FLT4: variants seen among roughly 807,000 people sequenced by gnomAD.
FLT4 encodes vascular endothelial growth factor receptor 3.
Under a neutral mutation model 163.2 loss-of-function variants are expected in FLT4, and 30 were observed. The ratio of observed to expected loss-of-function variants is 0.18; its 90% CI spans 0.14 to 0.25. The LOEUF is 0.25. Ranked by LOEUF, FLT4 falls within the 10% of genes least tolerant of loss-of-function variation. The probability of loss-of-function intolerance (pLI) is 1.00; values close to 1 mark genes in which losing one functional copy is unlikely to be tolerated. For missense variants in FLT4, 1,510 were observed against 1,863.8 expected, an observed-to-expected ratio of 0.81 and a Z score of 3.50; for synonymous variants, 884 against 789.5, an observed-to-expected ratio of 1.12 and a Z score of -2.01.
chr5:180,616,954 A>T lies in FLT4; in HGVS notation c.3042T>A (p.Leu1014=), dbSNP rs752622985. The T allele has an allele frequency of 1.2e-6, 2 of 1,613,290 alleles. No homozygotes were observed. Among genetic ancestry groups the T allele is most frequent in the African/African-American group, 2.7e-5 (2 of 74,898 alleles). ...TGGCCACCTGGAAGCTGTAGCAGAC[A>T]AGATCTTCCATGGTCAGCGGGCTCA... ...LWLSPLTMED[L]VCYSFQVARG... The change falls in exon 22 of 30, where the codon CTT becomes CTA. Residue 1014 remains leucine (L), a synonymous_variant. Coordinates refer to ENST00000261937, the MANE Select transcript of FLT4 (RefSeq NM_182925.5).
Position 180,608,957 on chromosome 5 carries a change from G to A in FLT4, c.3893+11C>T, listed in dbSNP as rs1387971156. The A allele has an allele frequency of 1.9e-6, 3 of 1,611,282 alleles. No individual in the cohort carries two copies. Among genetic ancestry groups the A allele is most frequent in the Non-Finnish European group, 2.5e-6 (3 of 1,177,520 alleles). ...GATACCTGCAGTGCAGGAGGCTCAC[G>A]AAGCCCTTACCTGAAGCCGCTTTCT... On this transcript the variant is annotated intron_variant, in intron 29 of 29. Coordinates refer to ENST00000261937, the MANE Select transcript of FLT4 (RefSeq NM_182925.5).
intron 1 of FLT4, among the ~76,000 whole-genome samples, chr5:180,645,275 C>T (rs73812647): frequency 0.029 from 4,409 of 152,304 alleles, 90 homozygotes; most frequent in South Asian, 0.11. Flanking sequence ...CTGAGTGCCC[C>T]GTGGGGGTGG....
rs1763365710 is a variant in FLT4 at position 180,623,797 on chromosome 5, A to G, written c.1548+138T>C. On this transcript the variant is annotated intron_variant, in intron 11 of 29. Coordinates refer to ENST00000261937, the MANE Select transcript of FLT4 (RefSeq NM_182925.5). This position sits in a 1 kb window ranked among gnomAD's most constrained non-coding sequence, Gnocchi z 5.8. ...TGCAGGCAGGGTGGCCGAGGCCTACAGACTGCAGGAAGGTCACCCGCTCTC... is the reference window on the plus strand; with the variant it reads ...TGCAGGCAGGGTGGCCGAGGCCTACGGACTGCAGGAAGGTCACCCGCTCTC... 9.3e-7 allele frequency: 1 copy of G among 1,077,812 alleles called. No individual in the cohort carries two copies. Among genetic ancestry groups the G allele is most frequent in the South Asian group, 1.3e-5 (1 of 78,564 alleles). The allele number at this position is 1,077,812 out of a possible 1,614,324, so 66.8% of individuals were successfully genotyped here. A position where few individuals can be genotyped will look rare whatever the true frequency, so the allele number is the denominator to read the frequency against.
rs965319833 is a variant in FLT4, at chr5:180,623,496, T to G, written c.1548+439A>C. Among the ~76,000 whole-genome samples, 3 of 146,904 alleles carry G rather than the reference T, an allele frequency of 2.0e-5. No individual in the cohort carries two copies. The highest frequency in any genetic ancestry group is 4.5e-5 in the Non-Finnish European group (3 of 66,704). Reference sequence around the variant, plus strand: ...CCAGGACTGGAACAGGAAGAGGCTCTGGAGGTGTGTAGGAAAACAGGAAGT... The same window carrying G: ...CCAGGACTGGAACAGGAAGAGGCTCGGGAGGTGTGTAGGAAAACAGGAAGT... On this transcript the variant is annotated intron_variant, in intron 11 of 29. Coordinates refer to ENST00000261937, the MANE Select transcript of FLT4 (RefSeq NM_182925.5). The surrounding 1 kb of genome is among the most constrained non-coding windows in gnomAD (Gnocchi z 5.8).
At chr5:180,614,224 G>T (rs760446380) in intron 23 of FLT4, 45 bp from the exon 24 acceptor site, 1 of 1,320,050 alleles carries the variant, frequency 7.6e-7, no homozygotes, top group Non-Finnish European at 1.1e-6. Context: ...ATGGGGAGAC[G>T]GAGGGAAGCG....
chr5:180,620,373 G>T lies in FLT4; in HGVS notation c.2407-65C>A. ...ATTTGGCCATACCACTGTGGCTTGG[G>T]CAGAACTTTGCCCAGGACAGATGGC... On this transcript the variant is annotated intron_variant, in intron 16 of 29. Coordinates refer to ENST00000261937, the MANE Select transcript of FLT4 (RefSeq NM_182925.5). This position sits in a 1 kb window ranked among gnomAD's most constrained non-coding sequence, Gnocchi z 4.4. 1 of 1,594,428 alleles carries T rather than the reference G, an allele frequency of 6.3e-7. No homozygotes were observed.
chr5:180,620,403 C>G lies in FLT4; in HGVS notation c.2407-95G>C. ...ACTTTGCCCAGGACAGATGGCACTT[C>G]CTGCGGGGTTCTCAGTCAAGGAGGG... On this transcript the variant is annotated intron_variant, in intron 16 of 29. Coordinates refer to ENST00000261937, the MANE Select transcript of FLT4 (RefSeq NM_182925.5). The surrounding 1 kb of genome is among the most constrained non-coding windows in gnomAD (Gnocchi z 4.4). 1 of 1,505,504 alleles carries G rather than the reference C, an allele frequency of 6.6e-7. No homozygotes were observed. The highest frequency in any genetic ancestry group is 9.2e-7 in the Non-Finnish European group (1 of 1,090,368). 93.3% of individuals were successfully genotyped at this position (1,505,504 alleles called of 1,614,324 possible). A position where few individuals can be genotyped will look rare whatever the true frequency, so the allele number is the denominator to read the frequency against.
chr5:180,606,595 C>T (rs186183359), intron 29 of FLT4, among the ~76,000 whole-genome samples: 120 of 152,364 alleles, frequency 7.9e-4, no homozygotes, highest in Admixed American at 2.2e-3. Context: ...TGCTGTTTCT[C>T]GAAGGTGTGT....
chr5:180,633,144 G>C (rs918339409), intron 1 of FLT4, among the ~76,000 whole-genome samples: 2 of 152,152 alleles, frequency 1.3e-5, no homozygotes, highest in Non-Finnish European at 2.9e-5. Flanking sequence ...GCACCAGGAC[G>C]GCACCTGCTG....
intron 1 of FLT4, among the ~76,000 whole-genome samples, chr5:180,631,998 C>T (rs1764209847): frequency 6.6e-6 from 1 of 152,118 alleles, no homozygotes; most frequent in African/African-American, 2.4e-5. Flanking sequence ...ACAGGCGCAC[C>T]CTGCCTTGCC....
At chr5:180,605,492 A>T (rs895425393) in intron 29 of FLT4, among the ~76,000 whole-genome samples, 3 of 152,148 alleles carry the variant, frequency 2.0e-5, no homozygotes, top group African/African-American at 4.8e-5. Flanking sequence ...TCTTATTCCT[A>T]TAACTTTGTA....
intron 29 of FLT4, among the ~76,000 whole-genome samples, chr5:180,606,221 C>T (rs1219979516): frequency 6.6e-6 from 1 of 152,212 alleles, no homozygotes; most frequent in Non-Finnish European, 1.5e-5. Context: ...TATCTTGCTT[C>T]CTTAGGACCC....
Position 180,636,472 on chromosome 5 carries a change from T to C in FLT4, c.59-4694A>G, listed in dbSNP as rs930802390. Among the ~76,000 whole-genome samples the C allele has an allele frequency of 5.9e-5, 9 of 151,448 alleles. No homozygotes were observed. The highest frequency in any genetic ancestry group is 2.2e-4 in the African/African-American group (9 of 41,178). On this transcript the variant is annotated intron_variant, in intron 1 of 29. Coordinates refer to ENST00000261937, the MANE Select transcript of FLT4 (RefSeq NM_182925.5). The surrounding 1 kb of genome is among the most constrained non-coding windows in gnomAD (Gnocchi z 4.3). ...CTGCTCTTTGGCGGCACCGCCCTCT[T>C]CCCCATTAAAGCTGTCATCAGCTGC... is the stretch of plus-strand genomic sequence containing the variant.
rs775457696 is a variant in FLT4, at chr5:180,630,657, C to T, written c.298G>A (p.Glu100Lys). ...RPYCKVLLLH[E>K]VHANDTGSYV... ...CTGCCTGTGTCGTTGGCATGTACCT[C>T]GTGCAGCAGCAACACCTTGCAGTAG... is the stretch of plus-strand genomic sequence containing the variant. Residue 100 changes from glutamate (E) to lysine (K), a missense_variant, in exon 3 of 30, where the codon GAG becomes AAG. This residue lies in a region of FLT4 where 157 missense variants were observed against 178.7 expected (regional missense o/e 0.88). Transcript: ENST00000261937. This position sits in a 1 kb window ranked among gnomAD's most constrained non-coding sequence, Gnocchi z 6.3. 41 of 1,613,090 alleles carry T rather than the reference C, an allele frequency of 2.5e-5. No individual in the cohort carries two copies. Among genetic ancestry groups the T allele is most frequent in the Middle Eastern group, 1.6e-4 (1 of 6,084 alleles).
At chr5:180,603,952 C>T (rs577420577) in intron 29 of FLT4, among the ~76,000 whole-genome samples, 1 of 151,686 alleles carries the variant, frequency 6.6e-6, no homozygotes, top group South Asian at 2.1e-4. Flanking sequence ...TTTCAGTGAG[C>T]CAAGATCGTG....
chr5:180,631,329 C>T (rs558780856), intron 2 of FLT4, among the ~76,000 whole-genome samples: 17 of 152,106 alleles, frequency 1.1e-4, no homozygotes, highest in African/African-American at 2.6e-4. Context: ...AAAAATTAGC[C>T]GGGCGTGGTG....
intron 18 of FLT4, 63 bp downstream of exon 18, chr5:180,619,602 G>A (rs1443835803): frequency 1.5e-6 from 2 of 1,333,524 alleles, no homozygotes; most frequent in South Asian, 1.2e-5. Flanking sequence ...CCGTCCCACC[G>A]GCCCACCCCG....
chr5:180,628,036 G>T (rs1763772303), intron 8 of FLT4, among the ~76,000 whole-genome samples: 1 of 152,164 alleles, frequency 6.6e-6, no homozygotes. Flanking sequence ...GCCTCTGCTT[G>T]CCCAGCTCCA....
Position 180,614,437 on chromosome 5 carries a change from T to C in FLT4, c.3220-258A>G, listed in dbSNP as rs144796947. Among the ~76,000 whole-genome samples, 244 of 152,150 alleles carry C rather than the reference T, an allele frequency of 1.6e-3. 1 individual carries two copies. Among genetic ancestry groups the C allele is most frequent in the African/African-American group, 4.7e-3 (195 of 41,514 alleles). On this transcript the variant is annotated intron_variant, in intron 23 of 29. Transcript: ENST00000261937. ...TGTCTGGGCCCCTCTCCCTCCCAGC[T>C]CTCAGGGGAGGGGTATCGGGGTAGA... is the stretch of plus-strand genomic sequence containing the variant.
Sources: gnomAD v4.1 joint callset for allele counts (sites outside exome capture counted in the v4.1 genomes callset) on GRCh38, gnomAD v4.1.1 for gene constraint, gnomAD v4.1.1 regional missense constraint, Gnocchi (gnomAD v3.1) non-coding constraint, MANE v1.5 for transcripts, NCBI Gene and HGNC (gene_info 2026-07-23, HGNC 2026-07-21) for gene names.